The following CIT variants were observed in gnomAD, a reference collection of about 807,000 sequenced individuals.
CIT encodes the protein citron rho-interacting serine/threonine kinase.
A neutral mutation model predicts 272.7 loss-of-function variants in CIT; 79 were observed. The ratio of observed to expected loss-of-function variants is 0.29; its 90% CI spans 0.24 to 0.35. The LOEUF (loss-of-function observed/expected upper bound fraction) is 0.35. Ranked by LOEUF, CIT falls within the 10% of genes least tolerant of loss-of-function variation. CIT has a pLI of 1.00. For synonymous variants in CIT, 948 were observed against 995.6 expected, an observed-to-expected ratio of 0.95 and a Z score of 0.90; for missense variants, 1,909 against 2,618.3, an observed-to-expected ratio of 0.73 and a Z score of 5.91.
chr12:119,763,955 A>G (rs889499923), intron 19 of CIT, among the ~76,000 whole-genome samples: 12 of 152,248 alleles, frequency 7.9e-5, no homozygotes, highest in African/African-American at 2.7e-4. Context: ...CATTTTCCCA[A>G]AAGCACCTAC....
At chr12:119,814,212 G>A (rs1966930318) in intron 9 of CIT, among the ~76,000 whole-genome samples, 1 of 152,150 alleles carries the variant, frequency 6.6e-6, no homozygotes. Context: ...TCTGGAAGTA[G>A]CTTCTAAATT....
chr12:119,773,260 C>T (rs749700940), intron 16 of CIT, among the ~76,000 whole-genome samples: 13 of 151,976 alleles, frequency 8.6e-5, no homozygotes, highest in Non-Finnish European at 1.3e-4. Flanking sequence ...TTCGATGCAA[C>T]GTAATGAATG....
chr12:119,849,739 G>A (rs942606261), intron 5 of CIT, among the ~76,000 whole-genome samples: 2 of 148,730 alleles, frequency 1.3e-5, no homozygotes, highest in Non-Finnish European at 3.0e-5. Context: ...AGGCTGGAGT[G>A]CAGTGGCGCA....
intron 17 of CIT, among the ~76,000 whole-genome samples, chr12:119,772,038 G>T (rs528428336): frequency 6.6e-6 from 1 of 152,144 alleles, no homozygotes; most frequent in Non-Finnish European, 1.5e-5. Context: ...AAATGCAGAT[G>T]AATGTGGGTG....
In CIT at chr12:119,788,451, T is replaced by C. The variant is rs114295105; in HGVS notation, c.1296-3386A>G. On this transcript the variant is annotated intron_variant, in intron 10 of 47. Transcript: ENST00000392521. ...GTCACCCACATGTCATGAAGTCACA[T>C]GCATGACATGCATCAGGGATGACAA... 6.0e-3 allele frequency among the ~76,000 whole-genome samples: 920 copies of C among 152,316 alleles called. 9 individuals are homozygous for C. Among genetic ancestry groups the C allele is most frequent in the African/African-American group, 0.021 (884 of 41,560 alleles).
At chr12:119,734,606 T>C (rs541179120) in intron 25 of CIT, among the ~76,000 whole-genome samples, 12 of 152,182 alleles carry the variant, frequency 7.9e-5, no homozygotes, top group Non-Finnish European at 1.3e-4. Context: ...GCCATTTACA[T>C]TGATCCCCCA....
chr12:119,873,103 C>T (rs1191198638), intron 2 of CIT, among the ~76,000 whole-genome samples: 1 of 151,094 alleles, frequency 6.6e-6, no homozygotes, highest in East Asian at 2.0e-4. Flanking sequence ...TGGCCTGTTG[C>T]CTCCTATTTA....
At chr12:119,785,576 T>C (rs1024312165) in intron 10 of CIT, among the ~76,000 whole-genome samples, 5 of 151,950 alleles carry the variant, frequency 3.3e-5, no homozygotes, top group Non-Finnish European at 7.4e-5. Context: ...TTTTTTTTTT[T>C]TCTTGGAAAC....
rs1435726918 is a variant in CIT at position 119,704,349 on chromosome 12, G to C, written c.5304+14C>G. 1 of 1,612,668 alleles carries C rather than the reference G, an allele frequency of 6.2e-7. No homozygotes were observed. The highest frequency in any genetic ancestry group is 1.3e-5 in the African/African-American group (1 of 75,018). Reference sequence around the variant, plus strand: ...GCTTTCCCACGTTCAACCAAGGCAAGGCCCAGGACTTACTTTCCGGATGCA... The same window carrying C: ...GCTTTCCCACGTTCAACCAAGGCAACGCCCAGGACTTACTTTCCGGATGCA... On this transcript the variant is annotated intron_variant, in intron 41 of 47. Transcript: ENST00000392521.
chr12:119,703,571 A>C (rs890452943), intron 41 of CIT, among the ~76,000 whole-genome samples: 24 of 151,820 alleles, frequency 1.6e-4, no homozygotes, highest in African/African-American at 2.2e-4. Flanking sequence ...GATAACAAGC[A>C]CCCGCCACCA....
rs746772359 is a variant in CIT, at chr12:119,704,373, C to G, written c.5294G>C (p.Cys1765Ser). Residue 1765 changes from cysteine to serine, a missense_variant, in exon 41 of 48, where the codon TGC becomes TCC. Transcript: ENST00000392521. ...AGGCCCAGGACTTACTTTCCGGATGCAGTATTTGCTGAGGTTTTCGTTGTA... is the reference window on the plus strand; with the variant it reads ...AGGCCCAGGACTTACTTTCCGGATGGAGTATTTGCTGAGGTTTTCGTTGTA... ...LRYNENLSKY[C>S]IRKEIETSEP... The G allele has an allele frequency of 4.3e-6, 7 of 1,613,796 alleles. No individual in the cohort carries two copies. In the African/African-American group the frequency reaches 5.3e-5, roughly 12 times the overall value.
chr12:119,858,472 G>A (rs1020452440), intron 3 of CIT, among the ~76,000 whole-genome samples: 2 of 150,320 alleles, frequency 1.3e-5, no homozygotes, highest in Admixed American at 6.7e-5. Context: ...AGCTGAGATT[G>A]TGCCACAGCA....
Position 119,838,994 on chromosome 12 carries a change from G to A in CIT, c.517-4766C>T, listed in dbSNP as rs996837636. 9.2e-5 allele frequency among the ~76,000 whole-genome samples: 14 copies of A among 152,342 alleles called. 1 individual carries two copies. The highest frequency in any genetic ancestry group is 6.2e-4 in the South Asian group (3 of 4,828). ...AGAGAAAGCACAGCAGCTGACAGACGAGCCTGGCTTGGAGCTATAATGGAC... is the reference window on the plus strand; with the variant it reads ...AGAGAAAGCACAGCAGCTGACAGACAAGCCTGGCTTGGAGCTATAATGGAC... On this transcript the variant is annotated intron_variant, in intron 5 of 47. Coordinates refer to ENST00000392521, the MANE Select transcript of CIT (RefSeq NM_001206999.2).
At position 119,752,236 on chromosome 12, in the gene CIT, C is replaced by T; in HGVS notation, c.2718G>A (p.Glu906=). 6.2e-7 allele frequency: 1 copy of T among 1,607,000 alleles called. No homozygotes were observed. Residue 906 remains glutamate (E), a synonymous_variant, in exon 23 of 48, where the codon GAG becomes GAA. Coordinates refer to ENST00000392521, the MANE Select transcript of CIT (RefSeq NM_001206999.2). ...TGAGCTCCAGTTTCTGCTCCTCGTG[C>T]TCTAGACTGACCTGAGACAGAGAGA... The part of the protein sequence containing the change: ...LETRLREVSL[E]HEEQKLELKR...
chr12:119,718,154 A>T lies in CIT; in HGVS notation c.4168+91T>A. On this transcript the variant is annotated intron_variant, in intron 32 of 47. Coordinates refer to ENST00000392521, the MANE Select transcript of CIT (RefSeq NM_001206999.2). The surrounding 1 kb of genome is among the most constrained non-coding windows in gnomAD (Gnocchi z 4.8). ...CGTGCCTGGCCAAGACTGACTTTTTAATCTTTAACCCCTAGTATTACTTGT... is the reference window on the plus strand; with the variant it reads ...CGTGCCTGGCCAAGACTGACTTTTTTATCTTTAACCCCTAGTATTACTTGT... 1 of 1,421,776 alleles carries T rather than the reference A, an allele frequency of 7.0e-7. No individual in the cohort carries two copies. The highest frequency in any genetic ancestry group is 2.4e-5 in the East Asian group (1 of 41,040). The allele number at this position is 1,421,776 out of a possible 1,614,324, so 88.1% of individuals were successfully genotyped here. A position where few individuals can be genotyped will look rare whatever the true frequency, so the allele number is the denominator to read the frequency against.
intron 5 of CIT, among the ~76,000 whole-genome samples, chr12:119,843,630 T>G (rs982693946): frequency 6.6e-6 from 1 of 151,956 alleles, no homozygotes; most frequent in African/African-American, 2.4e-5. Flanking sequence ...GTTAACATAG[T>G]GAAACCCCGT....
rs1024608691 is a variant in CIT at position 119,713,178 on chromosome 12, C to A, written c.4579+25G>T. On this transcript the variant is annotated intron_variant, in intron 35 of 47. Coordinates refer to ENST00000392521, the MANE Select transcript of CIT (RefSeq NM_001206999.2). This position sits in a 1 kb window ranked among gnomAD's most constrained non-coding sequence, Gnocchi z 5.2. ...GACCTGGGTTAGCCACGTGCAATGA[C>A]CTTCCCCCTGAATTATTAATTTACC... The A allele has an allele frequency of 1.3e-6, 2 of 1,591,554 alleles. No homozygotes were observed. Among genetic ancestry groups the A allele is most frequent in the Non-Finnish European group, 1.7e-6 (2 of 1,160,594 alleles).
intron 5 of CIT, among the ~76,000 whole-genome samples, chr12:119,839,192 C>T (rs147427335): frequency 6.6e-6 from 1 of 152,334 alleles, no homozygotes; most frequent in African/African-American, 2.4e-5. Flanking sequence ...AATTTCCATC[C>T]ATTGTGTTGC....
At chr12:119,711,231 A>G in intron 37 of CIT, 4 of 564,660 alleles carry the variant, frequency 7.1e-6, no homozygotes, top group South Asian at 6.4e-5. Context: ...TTGCTAACAC[A>G]TAAAGTGTTT....
Sources: allele counts gnomAD v4.1 joint callset (sites outside exome capture counted in the v4.1 genomes callset), GRCh38; gene constraint gnomAD v4.1.1; non-coding constraint Gnocchi (gnomAD v3.1); transcripts MANE v1.5; gene names NCBI Gene and HGNC (gene_info 2026-07-23, HGNC 2026-07-21).